The following SHC3 variants were observed in gnomAD, a reference collection of about 807,000 sequenced individuals.
SHC3 encodes the protein SHC adaptor protein 3.
Under a neutral mutation model 60.4 loss-of-function variants are expected in SHC3, and 15 were observed. The ratio of observed to expected loss-of-function variants is 0.25; its 90% CI spans 0.17 to 0.38. SHC3 has a LOEUF of 0.38. Among genes scored for constraint, SHC3 ranks in the 10% least tolerant of loss-of-function variants. The pLI is 1.00. For missense variants in SHC3, 677 were observed against 786.1 expected (o/e 0.86, Z 1.66); for synonymous variants, 294 against 325.9 (o/e 0.90, Z 1.05).
intron 11 of SHC3, among the ~76,000 whole-genome samples, chr9:89,014,468 G>T (rs1826062983): frequency 6.6e-6 from 1 of 152,134 alleles, no homozygotes; most frequent in South Asian, 2.1e-4. Flanking sequence ...GCAGCCACCT[G>T]GCTAGGTCCA....
chr9:89,094,298 GC>G (rs2118060229), intron 2 of SHC3, among the ~76,000 whole-genome samples: 1 of 152,226 alleles, frequency 6.6e-6, no homozygotes, highest in Non-Finnish European at 1.5e-5. Context: ...ACAGGAATTG[GC>G]CATTTTTTCA....
At chr9:89,136,120 G>A (rs908199345) in intron 1 of SHC3, among the ~76,000 whole-genome samples, 1 of 152,050 alleles carries the variant, frequency 6.6e-6, no homozygotes, top group African/African-American at 2.4e-5. Context: ...CAGTAGTTAG[G>A]CAGGAATATC....
intron 1 of SHC3, among the ~76,000 whole-genome samples, chr9:89,124,247 G>A (rs998019123): frequency 3.9e-5 from 6 of 152,224 alleles, no homozygotes; most frequent in Admixed American, 2.0e-4. Context: ...TGGTAGGAGT[G>A]TAAATTAGTT....
chr9:89,067,225 T>A (rs1825198503), intron 5 of SHC3, among the ~76,000 whole-genome samples: 2 of 152,200 alleles, frequency 1.3e-5, no homozygotes, highest in South Asian at 4.1e-4. Flanking sequence ...CAGCTTGTAA[T>A]CATAGGCACT....
chr9:89,076,651 C>G (rs1198786889), intron 3 of SHC3, among the ~76,000 whole-genome samples: 1 of 152,084 alleles, frequency 6.6e-6, no homozygotes, highest in Non-Finnish European at 1.5e-5. Flanking sequence ...TGGAGCCCAG[C>G]CCTCTGAGCT....
chr9:89,037,953 C>A, intron 11 of SHC3, 40 bp downstream of exon 11: 1 of 1,593,664 alleles, frequency 6.3e-7, no homozygotes. Context: ...CAGGTCTGCA[C>A]CCACTGGCAG....
intron 11 of SHC3, among the ~76,000 whole-genome samples, chr9:89,032,124 T>G (rs1184417089): frequency 6.6e-6 from 1 of 152,210 alleles, no homozygotes; most frequent in East Asian, 1.9e-4. Flanking sequence ...TGCGGGGGAC[T>G]GAGCTCTGCT....
intron 2 of SHC3, among the ~76,000 whole-genome samples, chr9:89,094,563 C>T (rs1340638467): frequency 6.6e-6 from 1 of 152,092 alleles, no homozygotes; most frequent in Non-Finnish European, 1.5e-5. Context: ...AGTGTCTGGC[C>T]CTTTTCTACA....
chr9:89,063,380 G>A (rs562640084), intron 6 of SHC3, among the ~76,000 whole-genome samples: 13 of 152,300 alleles, frequency 8.5e-5, no homozygotes, highest in Non-Finnish European at 4.4e-5. Flanking sequence ...TGCCCGCCTC[G>A]GCCTCCCAAA....
intron 1 of SHC3, among the ~76,000 whole-genome samples, chr9:89,137,500 T>G (rs1021390596): frequency 2.0e-5 from 3 of 152,146 alleles, no homozygotes; most frequent in South Asian, 2.1e-4. Context: ...ACAGACTTTG[T>G]GAAAACTCAA....
chr9:89,030,201 C>A (rs114129155), intron 11 of SHC3, among the ~76,000 whole-genome samples: 4 of 152,002 alleles, frequency 2.6e-5, no homozygotes, highest in Admixed American at 2.0e-4. Context: ...CACACATATG[C>A]GCTTAATAAC....
chr9:89,107,359 T>C (rs762157831), intron 2 of SHC3, among the ~76,000 whole-genome samples: 33 of 152,226 alleles, frequency 2.2e-4, no homozygotes, highest in African/African-American at 3.1e-4. Flanking sequence ...TGAGGACTCA[T>C]AATCCCTGCA....
chr9:89,177,971 C>A lies in SHC3; in HGVS notation c.474+16G>T. ...CAGAACCCCCAGCCCCCAGGGCGGCCCGCGCCCGCACCCACCTTGACCACG... is the reference window on the plus strand; with the variant it reads ...CAGAACCCCCAGCCCCCAGGGCGGCACGCGCCCGCACCCACCTTGACCACG... On this transcript the variant is annotated intron_variant, in intron 1 of 11. Transcript: ENST00000375835. The A allele has an allele frequency of 8.2e-7, 1 of 1,216,728 alleles. No homozygotes were observed. The highest frequency in any genetic ancestry group is 1.0e-6 in the Non-Finnish European group (1 of 978,214). The allele number at this position is 1,216,728 out of a possible 1,614,324, so 75.4% of individuals were successfully genotyped here. A position where few individuals can be genotyped will look rare whatever the true frequency, so the allele number is the denominator to read the frequency against.
chr9:89,064,540 C>A (rs866906403), intron 6 of SHC3, among the ~76,000 whole-genome samples: 1 of 152,108 alleles, frequency 6.6e-6, no homozygotes, highest in South Asian at 2.1e-4. Context: ...CTAGCTTTGG[C>A]GGTACCTTGG....
At chr9:89,137,649 A>C (rs1826337381) in intron 1 of SHC3, among the ~76,000 whole-genome samples, 1 of 152,192 alleles carries the variant, frequency 6.6e-6, no homozygotes, top group African/African-American at 2.4e-5. Context: ...GAAATATTAA[A>C]AGCAAAAACG....
At chr9:89,135,952 C>T (rs1395847698) in intron 1 of SHC3, among the ~76,000 whole-genome samples, 1 of 152,118 alleles carries the variant, frequency 6.6e-6, no homozygotes, top group Non-Finnish European at 1.5e-5. Flanking sequence ...CTGTCGTACT[C>T]CTTGTGTAGG....
At position 89,112,568 on chromosome 9, in the gene SHC3, G is replaced by A. The variant is rs1479579011; in HGVS notation, c.533C>T (p.Thr178Ile). The A allele has an allele frequency of 6.2e-7, 1 of 1,603,168 alleles. No individual in the cohort carries two copies. Among genetic ancestry groups the A allele is most frequent in the Admixed American group, 1.7e-5 (1 of 57,740 alleles). Residue 178 changes from threonine (T) to isoleucine (I), a missense_variant, in exon 2 of 12, where the codon ACA becomes ATA. Thr to Ile is a moderately conservative substitution (Grantham distance 89). Transcript: ENST00000375835. ...CAAGAGGGCTTACCTGGTAATTTGT[G>A]TTCTTGTACTGAAGTCAAGAGACCT... ...SMRSLDFSTR[T>I]QITREAISRV...
chr9:89,081,699 T>C (rs1825447156), intron 2 of SHC3, among the ~76,000 whole-genome samples: 1 of 152,134 alleles, frequency 6.6e-6, no homozygotes, highest in Non-Finnish European at 1.5e-5. Flanking sequence ...TCCACTCACC[T>C]CCACACAAGA....
intron 2 of SHC3, among the ~76,000 whole-genome samples, chr9:89,102,898 T>A (rs2118086521): frequency 6.6e-6 from 1 of 152,288 alleles, no homozygotes; most frequent in South Asian, 2.1e-4. Flanking sequence ...GAAATCAAAG[T>A]CTCCAGATGA....
Sources: gnomAD v4.1 joint callset for allele counts (sites outside exome capture counted in the v4.1 genomes callset) on GRCh38, gnomAD v4.1.1 for gene constraint, MANE v1.5 for transcripts, NCBI Gene and HGNC (gene_info 2026-07-23, HGNC 2026-07-21) for gene names.